GDPD4: variants seen among roughly 807,000 people sequenced by gnomAD.
GDPD4 encodes the protein glycerophosphodiester phosphodiesterase domain containing 4, also known as glycerophosphodiester phosphodiesterase 6.
A neutral mutation model predicts 67.8 loss-of-function variants in GDPD4; 60 were observed. That is an observed-to-expected ratio of 0.88 (90% CI 0.72 to 1.10). The LOEUF (loss-of-function observed/expected upper bound fraction) is 1.10. GDPD4 is among the 50% of genes least tolerant of loss of function. GDPD4 has a pLI of 0.00. For missense variants in GDPD4, 623 were observed against 613.9 expected, an observed-to-expected ratio of 1.01 and a Z score of -0.16; for synonymous variants, 212 against 210.9, an observed-to-expected ratio of 1.00 and a Z score of -0.04.
At chr11:77,299,367 C>T (rs1565552053) in intron 1 of GDPD4, among the ~76,000 whole-genome samples, 1 of 152,186 alleles carries the variant, frequency 6.6e-6, no homozygotes, top group Non-Finnish European at 1.5e-5. Context: ...AAGGTCAACC[C>T]TAACCACTTT....
rs145558657 is a variant in GDPD4 at position 77,290,548 on chromosome 11, A to G, written c.-253-3128T>C. ...TGGTCAATGAAGAAATTAAGAAGAA[A>G]AAAAAATTATTGAAACAAATGAAAT... On this transcript the variant is annotated intron_variant, in intron 1 of 16. Transcript: ENST00000315938. Among the ~76,000 whole-genome samples, 772 of 152,332 alleles carry G rather than the reference A, an allele frequency of 5.1e-3. 5 individuals are homozygous for G. The highest frequency in any genetic ancestry group is 0.036 in the East Asian group (189 of 5,192).
intron 13 of GDPD4, among the ~76,000 whole-genome samples, chr11:77,234,418 A>G (rs145083040): frequency 6.6e-6 from 1 of 152,212 alleles, no homozygotes; most frequent in African/African-American, 2.4e-5. Context: ...GATATATTGC[A>G]TGATACTGAG....
intron 8 of GDPD4, 57 bp downstream of exon 8, chr11:77,269,826 T>C (rs1327512177): frequency 1.1e-6 from 1 of 931,040 alleles, no homozygotes. Flanking sequence ...CATTTGTACA[T>C]TTTCAAGTTA....
chr11:77,229,435 G>T (rs1449259546), intron 14 of GDPD4, among the ~76,000 whole-genome samples: 1 of 152,150 alleles, frequency 6.6e-6, no homozygotes, highest in Non-Finnish European at 1.5e-5. Context: ...TACATGCAGG[G>T]GGCTCTAGAG....
chr11:77,222,715 T>C (rs1443406447), intron 16 of GDPD4, among the ~76,000 whole-genome samples: 1 of 152,152 alleles, frequency 6.6e-6, no homozygotes, highest in Non-Finnish European at 1.5e-5. Flanking sequence ...TGTCCTGGGG[T>C]TGCTCTTCTT....
intron 2 of GDPD4, 148 bp from the exon 3 acceptor site, chr11:77,285,335 C>G: frequency 1.7e-6 from 1 of 578,638 alleles, no homozygotes; most frequent in South Asian, 2.2e-5. Flanking sequence ...CTTTTTACCC[C>G]TACCAAATCC....
Position 77,269,945 on chromosome 11 carries a change from T to A in GDPD4, c.416A>T (p.Tyr139Phe), listed in dbSNP as rs1014432443. 1 of 1,551,238 alleles carries A rather than the reference T, an allele frequency of 6.4e-7. No individual in the cohort carries two copies. ...CLEREVRMRRYRMTHSEKKRL... is the reference protein window; with the variant it reads ...CLEREVRMRRFRMTHSEKKRL... ...TTTTTTCTCAGAATGTGTCATCCTGTATCTTCTCATTCTAACTAAAATTTA... is the reference window on the plus strand; with the variant it reads ...TTTTTTCTCAGAATGTGTCATCCTGAATCTTCTCATTCTAACTAAAATTTA... Residue 139 changes from tyrosine to phenylalanine, a missense_variant, in exon 8 of 17, where the codon TAC becomes TTC. Transcript: ENST00000315938.
chr11:77,223,165 C>T (rs1451250608), intron 16 of GDPD4, among the ~76,000 whole-genome samples: 2 of 152,184 alleles, frequency 1.3e-5, no homozygotes, highest in Non-Finnish European at 2.9e-5. Flanking sequence ...TTCGAACATC[C>T]TCCTTTCGCT....
Position 77,269,968 on chromosome 11 carries a change from T to C in GDPD4, c.401-8A>G. ...TGTATCTTCTCATTCTAACTAAAAT[T>C]TAGAAAGTGAAAAAGAAAAGAGTTC... On this transcript the variant is annotated splice_polypyrimidine_tract_variant and splice_region_variant and intron_variant, in intron 7 of 16. Coordinates refer to ENST00000315938, the MANE Select transcript of GDPD4 (RefSeq NM_182833.3). 6.9e-7 allele frequency: 1 copy of C among 1,445,326 alleles called. No individual in the cohort carries two copies. 89.5% of individuals were successfully genotyped at this position (1,445,326 alleles called of 1,614,324 possible).
At chr11:77,290,089 C>T (rs1937723510) in intron 1 of GDPD4, among the ~76,000 whole-genome samples, 1 of 152,158 alleles carries the variant, frequency 6.6e-6, no homozygotes, top group Admixed American at 6.5e-5. Flanking sequence ...AAAAGGTCTT[C>T]TCCAAGGCAC....
Position 77,236,516 on chromosome 11 carries a change from G to A in GDPD4, c.1242-3344C>T, listed in dbSNP as rs148926245. On this transcript the variant is annotated intron_variant, in intron 13 of 16. Transcript: ENST00000315938. ...GAGATGCACTTTAAAGATGCCAAGT[G>A]GTTGAAAGCCAAAAGATAGAAAAAG... is the stretch of plus-strand genomic sequence containing the variant. Among the ~76,000 whole-genome samples, 136 of 152,062 alleles carry A rather than the reference G, an allele frequency of 8.9e-4. 1 individual carries two copies. The highest frequency in any genetic ancestry group is 3.1e-3 in the African/African-American group (130 of 41,472).
chr11:77,252,135 C>A (rs1025805501), intron 11 of GDPD4, among the ~76,000 whole-genome samples: 1 of 142,984 alleles, frequency 7.0e-6, no homozygotes, highest in African/African-American at 2.6e-5. Flanking sequence ...GTGATCTTGA[C>A]TCACTGCAAC....
intron 4 of GDPD4, 142 bp downstream of exon 4, chr11:77,279,164 A>C (rs1959634167): frequency 1.8e-6 from 1 of 555,176 alleles, no homozygotes; most frequent in African/African-American, 1.9e-5. Context: ...TCAACTAGCT[A>C]ATGTAAATCC....
chr11:77,288,737 C>CA (rs542956638), intron 1 of GDPD4, among the ~76,000 whole-genome samples: 44 of 152,022 alleles, frequency 2.9e-4, no homozygotes, highest in Admixed American at 1.2e-3. Context: ...CATAAGGACA[C>CA]AAAAAACATG....
chr11:77,295,696 C>A (rs1458546188), intron 1 of GDPD4, among the ~76,000 whole-genome samples: 2 of 152,092 alleles, frequency 1.3e-5, no homozygotes, highest in Admixed American at 6.5e-5. Context: ...AATCTGTGTC[C>A]CTGCTTTAGG....
intron 1 of GDPD4, among the ~76,000 whole-genome samples, 166 bp from the exon 2 acceptor site, chr11:77,287,586 A>T (rs1457927132): frequency 6.6e-6 from 1 of 152,178 alleles, no homozygotes; most frequent in Non-Finnish European, 1.5e-5. Flanking sequence ...GTTTCTTCCT[A>T]CCTTTCCCTC....
Position 77,258,420 on chromosome 11 carries a change from G to A in GDPD4, c.830C>T (p.Thr277Ile). The A allele has an allele frequency of 3.1e-6, 5 of 1,614,160 alleles. No individual in the cohort carries two copies. The highest frequency in any genetic ancestry group is 4.2e-6 in the Non-Finnish European group (5 of 1,180,002). Residue 277 changes from threonine (T) to isoleucine (I), a missense_variant, in exon 11 of 17, where the codon ACT (threonine) becomes ATT (isoleucine). Transcript: ENST00000315938. Reference protein sequence around the residue: ...PAFFNWDFLSTLNAGKWFVKP... With the variant: ...PAFFNWDFLSILNAGKWFVKP... ...TACAAACCATTTGCCTGCATTCAGA[G>A]TCGATAGGAAATCCCAGTTGAAGAA...
Position 77,245,468 on chromosome 11 carries a change from T to A in GDPD4, c.899A>T (p.Glu300Val). Reference protein sequence around the residue: ...RPFYNMKPLSEADKERARNQS... With the variant: ...RPFYNMKPLSVADKERARNQS... ...ATTTCTTGCTCTTTCTTTATCTGCCTCTGATAGAGGTTTCATATTGTAAAA... is the reference window on the plus strand; with the variant it reads ...ATTTCTTGCTCTTTCTTTATCTGCCACTGATAGAGGTTTCATATTGTAAAA... The change falls in exon 12 of 17, where the codon GAG becomes GTG. Residue 300 changes from glutamate (E) to valine (V), a missense_variant. Physicochemically the swap from Glu to Val is moderately radical, Grantham distance 121. Transcript: ENST00000315938. 6.2e-7 allele frequency: 1 copy of A among 1,614,002 alleles called. No homozygotes were observed. The highest frequency in any genetic ancestry group is 1.3e-5 in the African/African-American group (1 of 75,044).
chr11:77,228,669 T>C (rs569040460), intron 15 of GDPD4, among the ~76,000 whole-genome samples: 13 of 151,890 alleles, frequency 8.6e-5, no homozygotes, highest in African/African-American at 9.7e-5. Flanking sequence ...GCCTGGGCAA[T>C]AGACTGAGAC....
Sources: allele counts gnomAD v4.1 joint callset (sites outside exome capture counted in the v4.1 genomes callset), GRCh38; gene constraint gnomAD v4.1.1; transcripts MANE v1.5; gene names NCBI Gene and HGNC (gene_info 2026-07-23, HGNC 2026-07-21).